Variants in NUS1 observed in about 807,000 individuals in gnomAD.
NUS1 encodes the protein dehydrodolichyl diphosphate synthase complex subunit NUS1.
For synonymous variants in NUS1, 135 were observed against 155.2 expected (o/e 0.87, Z 0.97); for missense variants, 292 against 382.9 (o/e 0.76, Z 1.98).
rs759580772 is a variant in NUS1 at position 117,675,646 on chromosome 6, G to A, written c.-25G>A. On this transcript the variant is annotated 5_prime_UTR_variant, in exon 1 of 5. Transcript: ENST00000368494. Reference sequence around the variant, plus strand: ...GCTGCGGGAGTGGGCGGGAGGGAGAGGGGGTGTCTGAGGGCCACAAGAGTA... The same window carrying A: ...GCTGCGGGAGTGGGCGGGAGGGAGAAGGGGTGTCTGAGGGCCACAAGAGTA... 6 of 1,377,966 alleles carry A rather than the reference G, an allele frequency of 4.4e-6. No homozygotes were observed. The East Asian group carries it at 9.7e-5, about 22-fold the overall frequency. 85.4% of individuals were successfully genotyped at this position (1,377,966 alleles called of 1,614,324 possible). A position where few individuals can be genotyped will look rare whatever the true frequency, so the allele number is the denominator to read the frequency against.
rs1773548455 is a variant in NUS1 at position 117,709,629 on chromosome 6, C to CA, written c.*2614_*2615insA. On this transcript the variant is annotated 3_prime_UTR_variant, in exon 5 of 5. Coordinates refer to ENST00000368494, the MANE Select transcript of NUS1 (RefSeq NM_138459.5). Reference sequence around the variant, plus strand: ...ATGTTACTGGATTAGCTCCCTCCTCCTGTGTGATGGTACCATGCATAGAGT... The same window carrying CA: ...ATGTTACTGGATTAGCTCCCTCCTCCATGTGTGATGGTACCATGCATAGAGT... The CA allele has an allele frequency of 6.6e-6, 1 of 151,878 alleles. No homozygotes were observed. The highest frequency in any genetic ancestry group is 1.5e-5 in the Non-Finnish European group (1 of 67,810). 9.4% of individuals were successfully genotyped at this position (151,878 alleles called of 1,614,324 possible).
At position 117,693,161 on chromosome 6, in the gene NUS1, G is replaced by A. The variant is rs1434542346; in HGVS notation, c.535G>A (p.Asp179Asn). Reference sequence around the variant, plus strand: ...ATTTGCAAATAGTAATGACAAAGATGATCAAGGTAAGCATGAGTGTATAAT... The same window carrying A: ...ATTTGCAAATAGTAATGACAAAGATAATCAAGGTAAGCATGAGTGTATAAT... ...PEFANSNDKD[D>N]QVLNCHLAVK... is the part of the protein sequence containing the mutation. Residue 179 changes from aspartate to asparagine, a missense_variant, in exon 2 of 5, where the codon GAT becomes AAT. Coordinates refer to ENST00000368494, the MANE Select transcript of NUS1 (RefSeq NM_138459.5). The A allele has an allele frequency of 6.2e-7, 1 of 1,612,302 alleles. No homozygotes were observed. The highest frequency in any genetic ancestry group is 8.5e-7 in the Non-Finnish European group (1 of 1,178,930).
rs77004498 is a variant in NUS1, at chr6:117,688,698, C to T, written c.416-4344C>T. 9.9e-3 allele frequency among the ~76,000 whole-genome samples: 1,509 copies of T among 152,212 alleles called. 23 individuals are homozygous for T. Among genetic ancestry groups the T allele is most frequent in the African/African-American group, 0.035 (1,435 of 41,520 alleles). On this transcript the variant is annotated intron_variant, in intron 1 of 4. Transcript: ENST00000368494. ...GCCAAGGTTTGGCTTTGTTCACTCT[C>T]GGATGCCTACAGAACTTCAAGGTAG...
intron 3 of NUS1, among the ~76,000 whole-genome samples, chr6:117,698,182 C>A (rs949649509): frequency 6.6e-6 from 1 of 151,660 alleles, no homozygotes; most frequent in African/African-American, 2.4e-5. Context: ...TTTAAAAGAT[C>A]AGAGCAGAAA....
intron 3 of NUS1, 123 bp from the exon 4 acceptor site, chr6:117,703,482 A>G: frequency 1.4e-6 from 1 of 717,632 alleles, no homozygotes; most frequent in South Asian, 1.6e-5. Flanking sequence ...ACTTCTGAAG[A>G]AAACAGGTAG....
intron 3 of NUS1, among the ~76,000 whole-genome samples, chr6:117,696,211 G>T (rs1773318273): frequency 6.6e-6 from 1 of 152,030 alleles, no homozygotes. Flanking sequence ...CAAGCTTGAA[G>T]ATAAGCTATT....
chr6:117,676,732 C>T (rs1772988911), intron 1 of NUS1, among the ~76,000 whole-genome samples: 1 of 152,154 alleles, frequency 6.6e-6, no homozygotes, highest in Admixed American at 6.5e-5. Context: ...CCACAAAGAT[C>T]GGAATGAGGA....
intron 3 of NUS1, among the ~76,000 whole-genome samples, chr6:117,699,028 A>G (rs947078587): frequency 4.6e-5 from 7 of 152,154 alleles, no homozygotes; most frequent in Non-Finnish European, 1.0e-4. Context: ...GCCATATATG[A>G]TGGACCCATA....
chr6:117,688,261 T>C (rs889878387), intron 1 of NUS1, among the ~76,000 whole-genome samples: 4 of 152,052 alleles, frequency 2.6e-5, no homozygotes, highest in East Asian at 1.9e-4. Flanking sequence ...AACAGCACAA[T>C]GGCTTGGAGC....
In NUS1 at chr6:117,709,680, A is replaced by G. The variant is rs1446916850; in HGVS notation, c.*2665A>G. ...CAATCAAATCCTTGTGATGTTTTGT[A>G]TGGACTTTGACAATATGTAAATAAT... On this transcript the variant is annotated 3_prime_UTR_variant, in exon 5 of 5. Transcript: ENST00000368494. 6.6e-6 allele frequency: 1 copy of G among 152,520 alleles called. No homozygotes were observed. Among genetic ancestry groups the G allele is most frequent in the Non-Finnish European group, 1.5e-5 (1 of 67,982 alleles). 9.4% of individuals were successfully genotyped at this position (152,520 alleles called of 1,614,324 possible).
At chr6:117,699,139 G>T (rs534304831) in intron 3 of NUS1, among the ~76,000 whole-genome samples, 1 of 152,012 alleles carries the variant, frequency 6.6e-6, no homozygotes. Context: ...TAGCACTGGC[G>T]GTCCTAGCTA....
At chr6:117,699,386 A>G (rs544577242) in intron 3 of NUS1, among the ~76,000 whole-genome samples, 34 of 152,320 alleles carry the variant, frequency 2.2e-4, no homozygotes, top group African/African-American at 7.9e-4. Flanking sequence ...AAGTAATCAC[A>G]TTTATAATAG....
chr6:117,687,220 G>A (rs1269569453), intron 1 of NUS1, among the ~76,000 whole-genome samples: 1 of 152,046 alleles, frequency 6.6e-6, no homozygotes, highest in Non-Finnish European at 1.5e-5. Flanking sequence ...TTTTATTGTG[G>A]GATGTTCCTG....
Position 117,693,096 on chromosome 6 carries a change from A to G in NUS1, c.470A>G (p.Gln157Arg), listed in dbSNP as rs1773264449. The G allele has an allele frequency of 1.9e-6, 3 of 1,610,974 alleles. No homozygotes were observed. The highest frequency in any genetic ancestry group is 2.7e-5 in the African/African-American group (2 of 74,862). The change falls in exon 2 of 5, where the codon CAA becomes CGA. Residue 157 changes from glutamine (Q) to arginine (R), a missense_variant. Gln to Arg is a conservative substitution (Grantham distance 43, BLOSUM62 1). Transcript: ENST00000368494. ...RLMDEILKQQQELLGLDCSKY... is the reference protein window; with the variant it reads ...RLMDEILKQQRELLGLDCSKY... ...ATGGATGAAATTTTAAAACAACAGC[A>G]AGAACTTCTGGGCCTAGATTGTTCA...
At chr6:117,703,834 G>A in intron 4 of NUS1, 130 bp downstream of exon 4, 1 of 686,764 alleles carries the variant, frequency 1.5e-6, no homozygotes. Context: ...TTATTTCACA[G>A]TACCACTGGT....
chr6:117,691,564 T>G (rs1272503245), intron 1 of NUS1, among the ~76,000 whole-genome samples: 20 of 30,824 alleles, frequency 6.5e-4, no homozygotes, highest in African/African-American at 1.1e-3. Context: ...TATAGATATA[T>G]ATATATATAT....
chr6:117,684,757 A>G (rs1297300349), intron 1 of NUS1, among the ~76,000 whole-genome samples: 4 of 152,236 alleles, frequency 2.6e-5, no homozygotes, highest in African/African-American at 4.8e-5. Context: ...AGTGATTCCT[A>G]TAATAGCAAT....
chr6:117,696,542 AC>A (rs1447810402), intron 3 of NUS1, among the ~76,000 whole-genome samples: 1 of 152,158 alleles, frequency 6.6e-6, no homozygotes, highest in Non-Finnish European at 1.5e-5. Flanking sequence ...GAAACAACAT[AC>A]AATAGAGGTT....
intron 1 of NUS1, among the ~76,000 whole-genome samples, chr6:117,684,063 A>G (rs1275077140): frequency 6.6e-6 from 1 of 152,132 alleles, no homozygotes; most frequent in Non-Finnish European, 1.5e-5. Context: ...GTACTTCCAA[A>G]TGTTGTGGTG....
Sources: allele counts gnomAD v4.1 joint callset (sites outside exome capture counted in the v4.1 genomes callset), GRCh38; gene constraint gnomAD v4.1.1; transcripts MANE v1.5; gene names NCBI Gene and HGNC (gene_info 2026-07-23, HGNC 2026-07-21).